Variants in ANGPT1 observed in about 807,000 individuals in gnomAD.
ANGPT1 encodes angiopoietin 1, also known as angiopoietin-1.
ANGPT1 carries 17 observed loss-of-function variants against 62.2 expected under a neutral mutation model. The ratio of observed to expected loss-of-function variants is 0.27; its 90% CI spans 0.19 to 0.41. ANGPT1 has a LOEUF of 0.41. Among genes scored for constraint, ANGPT1 ranks in the 10% least tolerant of loss-of-function variants. The pLI is 1.00. For synonymous variants in ANGPT1, 199 were observed against 198.9 expected (o/e 1.00, Z 0.00); for missense variants, 478 against 594.9 (o/e 0.80, Z 2.04).
At chr8:107,262,528 T>G (rs1269011206) in intron 8 of ANGPT1, among the ~76,000 whole-genome samples, 1 of 152,238 alleles carries the variant, frequency 6.6e-6, no homozygotes, top group East Asian at 1.9e-4. Flanking sequence ...ACAGAGTGGA[T>G]CTGGAGTTCA....
At chr8:107,270,905 A>C (rs1813718708) in intron 7 of ANGPT1, among the ~76,000 whole-genome samples, 1 of 152,070 alleles carries the variant, frequency 6.6e-6, no homozygotes, top group Admixed American at 6.6e-5. Context: ...GATAATGTAA[A>C]GTGTGACTAA....
chr8:107,279,789 A>C (rs1813957100), intron 7 of ANGPT1, among the ~76,000 whole-genome samples: 1 of 151,744 alleles, frequency 6.6e-6, no homozygotes, highest in African/African-American at 2.4e-5. Flanking sequence ...GGAGAGAGAG[A>C]GCACAAGTTA....
intron 1 of ANGPT1, among the ~76,000 whole-genome samples, chr8:107,350,984 C>T (rs1304550049): frequency 6.6e-6 from 1 of 152,040 alleles, no homozygotes; most frequent in Non-Finnish European, 1.5e-5. Flanking sequence ...CATATATTCC[C>T]TACTGGTTTT....
At chr8:107,370,392 GAA>G (rs1198767661) in intron 1 of ANGPT1, among the ~76,000 whole-genome samples, 5 of 68,158 alleles carry the variant, frequency 7.3e-5, no homozygotes, top group African/African-American at 2.1e-4. Flanking sequence ...AAGAAAGAAA[GAA>G]AGAAAGAAAG....
At chr8:107,433,043 A>G (rs1387277976) in intron 1 of ANGPT1, among the ~76,000 whole-genome samples, 1 of 152,204 alleles carries the variant, frequency 6.6e-6, no homozygotes, top group Non-Finnish European at 1.5e-5. Context: ...CATATTTCAC[A>G]TTCATGTGAA....
chr8:107,301,080 G>C (rs1814576590), intron 5 of ANGPT1, among the ~76,000 whole-genome samples: 1 of 151,820 alleles, frequency 6.6e-6, no homozygotes, highest in African/African-American at 2.4e-5. Flanking sequence ...ATGAACTAAA[G>C]TCCATAGAAT....
At chr8:107,347,295 T>C (rs979660890) in intron 1 of ANGPT1, among the ~76,000 whole-genome samples, 198 bp from the exon 2 acceptor site, 11 of 152,164 alleles carry the variant, frequency 7.2e-5, no homozygotes, top group African/African-American at 2.7e-4. Flanking sequence ...AATATACTGA[T>C]ACATATATTT....
At chr8:107,329,683 G>A (rs1815375113) in intron 3 of ANGPT1, among the ~76,000 whole-genome samples, 1 of 151,798 alleles carries the variant, frequency 6.6e-6, no homozygotes, top group African/African-American at 2.4e-5. Flanking sequence ...GTGTGTGTGA[G>A]TCTCTGTGTG....
chr8:107,289,394 C>T (rs571651991), intron 6 of ANGPT1, among the ~76,000 whole-genome samples: 6 of 152,058 alleles, frequency 3.9e-5, no homozygotes, highest in Non-Finnish European at 8.8e-5. Context: ...TCTCAGGAAG[C>T]GTTGACTTTT....
chr8:107,272,110 C>T (rs950799646), intron 7 of ANGPT1, among the ~76,000 whole-genome samples: 2 of 151,962 alleles, frequency 1.3e-5, no homozygotes, highest in African/African-American at 4.8e-5. Flanking sequence ...AAGACATTAT[C>T]TTATTTGTTT....
intron 7 of ANGPT1, among the ~76,000 whole-genome samples, chr8:107,276,816 C>T (rs1378706400): frequency 6.6e-6 from 1 of 152,144 alleles, no homozygotes; most frequent in East Asian, 1.9e-4. Flanking sequence ...TTACATCAAA[C>T]TACTTCCCAA....
intron 1 of ANGPT1, among the ~76,000 whole-genome samples, chr8:107,371,709 T>C (rs1816419014): frequency 6.6e-6 from 1 of 151,682 alleles, no homozygotes; most frequent in African/African-American, 2.4e-5. Context: ...CCCTAGTAGC[T>C]GGGTTTACAG....
In ANGPT1 at chr8:107,452,396, A is replaced by T. The variant is rs564787464; in HGVS notation, c.297+44866T>A. On this transcript the variant is annotated intron_variant, in intron 1 of 8. Coordinates refer to ENST00000517746, the MANE Select transcript of ANGPT1 (RefSeq NM_001146.5). Reference sequence around the variant, plus strand: ...CACCATGCACATTCATATTGTAAACACACCATGATACATTTTTGGAAGTCA... The same window carrying T: ...CACCATGCACATTCATATTGTAAACTCACCATGATACATTTTTGGAAGTCA... Among the ~76,000 whole-genome samples, 103 of 152,030 alleles carry T rather than the reference A, an allele frequency of 6.8e-4. 1 individual carries two copies. In the South Asian group the frequency reaches 0.021, roughly 31 times the overall value.
At chr8:107,303,898 A>T (rs1395346247) in intron 4 of ANGPT1, among the ~76,000 whole-genome samples, 4 of 151,962 alleles carry the variant, frequency 2.6e-5, no homozygotes, top group Non-Finnish European at 5.9e-5. Context: ...GAGCTTCTAG[A>T]AAATTTTACC....
chr8:107,320,037 A>G (rs911166292), intron 4 of ANGPT1, among the ~76,000 whole-genome samples: 1 of 152,172 alleles, frequency 6.6e-6, no homozygotes, highest in East Asian at 1.9e-4. Flanking sequence ...GAATATTTAG[A>G]CAAATTCAGT....
intron 4 of ANGPT1, among the ~76,000 whole-genome samples, chr8:107,310,551 G>T (rs1814824650): frequency 6.6e-6 from 1 of 152,080 alleles, no homozygotes; most frequent in South Asian, 2.1e-4. Context: ...ATGGAAGCAG[G>T]TTGTATGGGA....
At chr8:107,325,306 C>A (rs1478868947) in intron 3 of ANGPT1, among the ~76,000 whole-genome samples, 1 of 152,112 alleles carries the variant, frequency 6.6e-6, no homozygotes, top group Non-Finnish European at 1.5e-5. Context: ...TTTTTATTTA[C>A]TTTTCTTGCT....
rs529511970 is a variant in ANGPT1, at chr8:107,264,994, C to T, written c.1206-643G>A. ...ACTACATACCAGTTATTGATCTAGG[C>T]ACTTAAGATATATAAGAAAAGAAAA... On this transcript the variant is annotated intron_variant, in intron 7 of 8. Coordinates refer to ENST00000517746, the MANE Select transcript of ANGPT1 (RefSeq NM_001146.5). Among the ~76,000 whole-genome samples, 4 of 152,188 alleles carry T rather than the reference C, an allele frequency of 2.6e-5. No homozygotes were observed. In the East Asian group the frequency reaches 7.7e-4, roughly 29 times the overall value.
At chr8:107,330,500 C>T (rs577848580) in intron 3 of ANGPT1, among the ~76,000 whole-genome samples, 1 of 152,266 alleles carries the variant, frequency 6.6e-6, no homozygotes, top group African/African-American at 2.4e-5. Flanking sequence ...TGCTAAAGAA[C>T]TTGAACTCTC....
Sources: gnomAD v4.1 joint callset for allele counts (sites outside exome capture counted in the v4.1 genomes callset) on GRCh38, gnomAD v4.1.1 for gene constraint, MANE v1.5 for transcripts, NCBI Gene and HGNC (gene_info 2026-07-23, HGNC 2026-07-21) for gene names.